SORCS3: variants seen among roughly 807,000 people sequenced by gnomAD.
The protein encoded by SORCS3 is VPS10 domain-containing receptor SorCS3.
A neutral mutation model predicts 146.3 loss-of-function variants in SORCS3; 57 were observed. That is an observed-to-expected ratio of 0.39 (90% CI 0.31 to 0.49). The LOEUF is 0.49. Ranked by LOEUF, SORCS3 falls within the 20% of genes least tolerant of loss-of-function variation. SORCS3 has a pLI of 0.92. For synonymous variants in SORCS3, 653 were observed against 618.5 expected (o/e 1.06, Z -0.83); for missense variants, 1,341 against 1,575.5 (o/e 0.85, Z 2.52).
intron 8 of SORCS3, among the ~76,000 whole-genome samples, chr10:105,141,788 G>T (rs1411422216): frequency 6.6e-6 from 1 of 152,202 alleles, no homozygotes; most frequent in African/African-American, 2.4e-5. Flanking sequence ...AGGTGATAGG[G>T]AGCAGGTAAC....
At chr10:104,814,616 A>G (rs889860149) in intron 1 of SORCS3, among the ~76,000 whole-genome samples, 1 of 152,152 alleles carries the variant, frequency 6.6e-6, no homozygotes, top group Non-Finnish European at 1.5e-5. Context: ...CTGTTCACTG[A>G]CAGTACCTCA....
chr10:105,006,233 C>T (rs569685469), intron 4 of SORCS3, among the ~76,000 whole-genome samples: 41 of 152,190 alleles, frequency 2.7e-4, no homozygotes, highest in African/African-American at 8.0e-4. Flanking sequence ...TGAGCCACCA[C>T]GCCTGGCCAA....
intron 4 of SORCS3, among the ~76,000 whole-genome samples, chr10:105,005,689 C>G (rs1440244832): frequency 6.6e-6 from 1 of 152,124 alleles, no homozygotes; most frequent in Admixed American, 6.5e-5. Context: ...AGCCCTTGAG[C>G]ACAGTTCTCA....
chr10:104,917,083 A>G lies in SORCS3; in HGVS notation c.795+1151A>G, dbSNP rs142704295. On this transcript the variant is annotated intron_variant, in intron 3 of 26. Coordinates refer to ENST00000369701, the MANE Select transcript of SORCS3 (RefSeq NM_014978.3). ...GAGCAGAATTGTTGACTTATGGTTC[A>G]GCATTGGTGATAGATAGCCAAAGGA... Among the ~76,000 whole-genome samples, 375 of 152,324 alleles carry G rather than the reference A, an allele frequency of 2.5e-3. 2 individuals carry two copies. The highest frequency in any genetic ancestry group is 8.2e-3 in the African/African-American group (339 of 41,566).
intron 2 of SORCS3, among the ~76,000 whole-genome samples, chr10:104,882,565 A>G (rs563004519): frequency 1.3e-5 from 2 of 152,296 alleles, no homozygotes; most frequent in African/African-American, 4.8e-5. Context: ...TCATTTTACA[A>G]GTGAAGAACC....
At chr10:104,883,264 A>T (rs1455848197) in intron 2 of SORCS3, among the ~76,000 whole-genome samples, 2 of 152,170 alleles carry the variant, frequency 1.3e-5, no homozygotes, top group Non-Finnish European at 2.9e-5. Context: ...CAGCAGTGAG[A>T]GTCTCTGAGG....
chr10:104,858,938 T>TAA (rs3976791), intron 2 of SORCS3, among the ~76,000 whole-genome samples: 99,329 of 138,432 alleles, frequency 0.72, 35,892 homozygotes, highest in East Asian at 0.95. Context: ...TGTACATTTA[T>TAA]AAAAAAAAAA....
In SORCS3 at chr10:105,126,798, T is replaced by C. The variant is rs187251267; in HGVS notation, c.1213-12599T>C. The stretch of plus-strand genomic sequence containing the variant: ...GAGATAGGATGAGGGTGGATTTTAT[T>C]GTAATTGTAGAAGGAGCATGAGAAC... On this transcript the variant is annotated intron_variant, in intron 7 of 26. Coordinates refer to ENST00000369701, the MANE Select transcript of SORCS3 (RefSeq NM_014978.3). 3.3e-5 allele frequency among the ~76,000 whole-genome samples: 5 copies of C among 152,300 alleles called. No homozygotes were observed. In the Middle Eastern group the frequency reaches 0.01, roughly 311 times the overall value.
At chr10:104,828,696 G>A (rs2017966804) in intron 1 of SORCS3, among the ~76,000 whole-genome samples, 1 of 152,136 alleles carries the variant, frequency 6.6e-6, no homozygotes, top group Non-Finnish European at 1.5e-5. Context: ...TATCTGTGAA[G>A]TGCAATCAAG....
In SORCS3 at chr10:105,136,739, A is replaced by G. The variant is rs191487423; in HGVS notation, c.1213-2658A>G. ...GGCAAGTACGGAGAAGGACACACTC[A>G]GGACAAAGGGAGATTGGCAGGATGA... On this transcript the variant is annotated intron_variant, in intron 7 of 26. Coordinates refer to ENST00000369701, the MANE Select transcript of SORCS3 (RefSeq NM_014978.3). Among the ~76,000 whole-genome samples, 272 of 152,318 alleles carry G rather than the reference A, an allele frequency of 1.8e-3. 1 individual carries two copies. The highest frequency in any genetic ancestry group is 3.4e-3 in the Middle Eastern group (1 of 294).
At chr10:104,843,855 TC>T (rs141067127) in intron 2 of SORCS3, among the ~76,000 whole-genome samples, 149 of 152,300 alleles carry the variant, frequency 9.8e-4, no homozygotes, top group African/African-American at 3.4e-3. Context: ...TTGTGTGTTT[TC>T]TCCCATTTAC....
chr10:105,098,778 A>G (rs1458516451), intron 6 of SORCS3, among the ~76,000 whole-genome samples: 3 of 152,250 alleles, frequency 2.0e-5, no homozygotes. Context: ...TGTCATTGTC[A>G]TCATGATCTT....
intron 12 of SORCS3, among the ~76,000 whole-genome samples, chr10:105,165,889 A>G (rs2056308795): frequency 6.6e-6 from 1 of 152,130 alleles, no homozygotes; most frequent in South Asian, 2.1e-4. Context: ...GCCAGATGGT[A>G]AAATTAAGAG....
chr10:104,657,845 A>C (rs938560927), intron 1 of SORCS3, among the ~76,000 whole-genome samples: 1 of 152,318 alleles, frequency 6.6e-6, no homozygotes, highest in African/African-American at 2.4e-5. Context: ...TGATTATTTA[A>C]AATATATTAG....
chr10:105,015,730 T>C (rs1419461064), intron 4 of SORCS3, among the ~76,000 whole-genome samples: 1 of 151,878 alleles, frequency 6.6e-6, no homozygotes, highest in African/African-American at 2.4e-5. Flanking sequence ...TCTACTTCTT[T>C]TTTTCTTTTT....
intron 2 of SORCS3, among the ~76,000 whole-genome samples, chr10:104,914,466 G>C: frequency 6.6e-6 from 1 of 152,142 alleles, no homozygotes; most frequent in South Asian, 2.1e-4. Flanking sequence ...GAATCTGCCA[G>C]CTTGGATGAG....
At chr10:104,799,483 G>A (rs565056512) in intron 1 of SORCS3, among the ~76,000 whole-genome samples, 28 of 150,536 alleles carry the variant, frequency 1.9e-4, no homozygotes, top group Non-Finnish European at 3.3e-4. Flanking sequence ...TCATAAGTGG[G>A]AGTTGAACAA....
intron 1 of SORCS3, among the ~76,000 whole-genome samples, chr10:104,650,507 C>T (rs947976048): frequency 6.6e-6 from 1 of 152,150 alleles, no homozygotes; most frequent in African/African-American, 2.4e-5. Flanking sequence ...TAGATACAAA[C>T]ACGTTCATTC....
chr10:105,187,099 T>A (rs562361574), intron 14 of SORCS3, among the ~76,000 whole-genome samples: 2 of 152,302 alleles, frequency 1.3e-5, no homozygotes, highest in East Asian at 3.9e-4. Flanking sequence ...GAGAAAAGAA[T>A]CAAAGTTGTT....
Sources: allele counts gnomAD v4.1 joint callset (sites outside exome capture counted in the v4.1 genomes callset), GRCh38; gene constraint gnomAD v4.1.1; transcripts MANE v1.5; gene names NCBI Gene and HGNC (gene_info 2026-07-23, HGNC 2026-07-21).